The following FAM240A variants were observed in gnomAD, a reference collection of about 807,000 sequenced individuals.
FAM240A encodes protein FAM240A.
A neutral mutation model predicts 7.3 loss-of-function variants in FAM240A; 8 were observed. That is an observed-to-expected ratio of 1.09 (90% CI 0.64 to 1.97). The LOEUF (loss-of-function observed/expected upper bound fraction) is 1.97, where lower values mean the gene tolerates loss of function less well. Among genes scored for constraint, FAM240A ranks in the 30% most tolerant of loss-of-function variants. FAM240A has a pLI of 0.00. For synonymous variants in FAM240A, 32 were observed against 35.9 expected (o/e 0.89, Z 0.38); for missense variants, 90 against 102.2 (o/e 0.88, Z 0.52).
Position 46,612,633 on chromosome 3 carries a change from G to C in FAM240A, c.-51G>C, listed in dbSNP as rs1575383516. On this transcript the variant is annotated 5_prime_UTR_variant, in exon 1 of 3. Coordinates refer to ENST00000640551, the MANE Select transcript of FAM240A (RefSeq NM_001195442.2). ...GGGCAGCACAGATGCCTCACAGGCG[G>C]TCAAGTGCGACACATTTGGTTCGAC... 6.0e-6 allele frequency: 9 copies of C among 1,506,986 alleles called. No individual in the cohort carries two copies. The highest frequency in any genetic ancestry group is 1.4e-5 in the African/African-American group (1 of 72,800). 93.4% of individuals were successfully genotyped at this position (1,506,986 alleles called of 1,614,324 possible).
intron 1 of FAM240A, among the ~76,000 whole-genome samples, chr3:46,614,753 T>C (rs1697608859): frequency 6.6e-6 from 1 of 152,202 alleles, no homozygotes; most frequent in East Asian, 1.9e-4. Flanking sequence ...ATCCAAGCTT[T>C]CCTAAATGGT....
chr3:46,625,284 C>A lies in FAM240A; in HGVS notation c.*66C>A. 1.6e-6 allele frequency: 2 copies of A among 1,231,474 alleles called. No homozygotes were observed. Among genetic ancestry groups the A allele is most frequent in the Non-Finnish European group, 2.3e-6 (2 of 878,162 alleles). The allele number at this position is 1,231,474 out of a possible 1,614,324, so 76.3% of individuals were successfully genotyped here. On this transcript the variant is annotated 3_prime_UTR_variant, in exon 3 of 3. Transcript: ENST00000640551. ...GAGGTCACTTTGCTAGAAGTCAGTG[C>A]AAATTCCTGAGTCCCTTTGCTATAC...
chr3:46,616,705 A>AC (rs1385990438), intron 1 of FAM240A, among the ~76,000 whole-genome samples: 1 of 149,558 alleles, frequency 6.7e-6, no homozygotes, highest in East Asian at 2.0e-4. Context: ...ACACACACAC[A>AC]CACACACACA....
intron 2 of FAM240A, among the ~76,000 whole-genome samples, chr3:46,622,297 G>C (rs1207339743): frequency 6.6e-6 from 1 of 151,416 alleles, no homozygotes; most frequent in Non-Finnish European, 1.5e-5. Context: ...TAGTAGAGAC[G>C]GGGTTTCACC....
In FAM240A at chr3:46,625,418, C is replaced by A; in HGVS notation, c.*200C>A. On this transcript the variant is annotated 3_prime_UTR_variant, in exon 3 of 3. Transcript: ENST00000640551. Reference sequence around the variant, plus strand: ...GCCAAGTCAGTCCTCTGTGCATGGGCGCCAGGTTATTATCCCAAATGTCTC... The same window carrying A: ...GCCAAGTCAGTCCTCTGTGCATGGGAGCCAGGTTATTATCCCAAATGTCTC... The A allele has an allele frequency of 2.8e-6, 1 of 359,426 alleles. No individual in the cohort carries two copies. The allele number at this position is 359,426 out of a possible 1,614,324, so 22.3% of individuals were successfully genotyped here. A position where few individuals can be genotyped will look rare whatever the true frequency, so the allele number is the denominator to read the frequency against.
At chr3:46,617,915 CCGTGGGCAAA>C (rs1340892099) in intron 2 of FAM240A, among the ~76,000 whole-genome samples, 1 of 152,180 alleles carries the variant, frequency 6.6e-6, no homozygotes, top group African/African-American at 2.4e-5. Context: ...ACAGTGACTC[CCGTGGGCAAA>C]CGAGGGTCAC....
chr3:46,619,971 C>A (rs1397813311), intron 2 of FAM240A, among the ~76,000 whole-genome samples: 1 of 152,148 alleles, frequency 6.6e-6, no homozygotes, highest in Non-Finnish European at 1.5e-5. Context: ...GAAAAGCATG[C>A]TTGACTGGAT....
rs141290231 is a variant in FAM240A at position 46,617,453 on chromosome 3, C to T, written c.161+125C>T. ...GTACTAAGAGTTCCCTGAGCCCCCA[C>T]GCAATTGCCCCACTGTCAACATCTG... is the stretch of plus-strand genomic sequence containing the variant. On this transcript the variant is annotated intron_variant, in intron 2 of 2. Coordinates refer to ENST00000640551, the MANE Select transcript of FAM240A (RefSeq NM_001195442.2). The T allele has an allele frequency of 4.4e-4, 324 of 729,400 alleles. 2 individuals are homozygous for T. The African/African-American group carries it at 5.0e-3, about 11-fold the overall frequency. The allele number at this position is 729,400 out of a possible 1,614,324, so 45.2% of individuals were successfully genotyped here.
At chr3:46,621,022 G>GGGGA (rs1697687592) in intron 2 of FAM240A, among the ~76,000 whole-genome samples, 1 of 152,138 alleles carries the variant, frequency 6.6e-6, no homozygotes, top group Non-Finnish European at 1.5e-5. Context: ...AGTGGCTATA[G>GGGGA]GGGAGTTCTT....
intron 2 of FAM240A, among the ~76,000 whole-genome samples, chr3:46,623,369 T>C (rs376737283): frequency 2.4e-4 from 37 of 152,338 alleles, no homozygotes; most frequent in Middle Eastern, 3.4e-3. Context: ...AGAATGTGTG[T>C]TCTGCCGTTG....
intron 1 of FAM240A, among the ~76,000 whole-genome samples, chr3:46,613,307 A>G (rs1195423827): frequency 6.6e-6 from 1 of 152,096 alleles, no homozygotes; most frequent in Non-Finnish European, 1.5e-5. Context: ...CAGCCTGGCC[A>G]ACATGGCGAA....
intron 2 of FAM240A, among the ~76,000 whole-genome samples, chr3:46,620,490 A>C (rs895293424): frequency 7.8e-6 from 1 of 128,102 alleles, no homozygotes; most frequent in Non-Finnish European, 1.7e-5. Flanking sequence ...CCCGTACTGT[A>C]GTTTTGTCAA....
intron 1 of FAM240A, among the ~76,000 whole-genome samples, chr3:46,614,537 T>C (rs1446812587): frequency 6.6e-6 from 1 of 152,232 alleles, no homozygotes; most frequent in African/African-American, 2.4e-5. Flanking sequence ...GATGTCACTC[T>C]TCAACCCAAA....
chr3:46,623,217 C>A (rs1338922041), intron 2 of FAM240A, among the ~76,000 whole-genome samples: 3 of 152,006 alleles, frequency 2.0e-5, no homozygotes, highest in Non-Finnish European at 4.4e-5. Flanking sequence ...GTTTAGGGGA[C>A]TTTCCAGATA....
At chr3:46,622,680 A>G (rs1697711205) in intron 2 of FAM240A, among the ~76,000 whole-genome samples, 1 of 152,182 alleles carries the variant, frequency 6.6e-6, no homozygotes, top group Non-Finnish European at 1.5e-5. Context: ...TTGAAAATTA[A>G]TAACTCATCT....
chr3:46,621,713 C>T (rs1697696794), intron 2 of FAM240A, among the ~76,000 whole-genome samples: 1 of 151,902 alleles, frequency 6.6e-6, no homozygotes, highest in African/African-American at 2.4e-5. Flanking sequence ...GAGGTCGAGG[C>T]TGCAGTGAGC....
chr3:46,612,984 G>A (rs1416609077), intron 1 of FAM240A, among the ~76,000 whole-genome samples: 4 of 152,170 alleles, frequency 2.6e-5, no homozygotes, highest in Admixed American at 2.0e-4. Context: ...ACGGAAACAC[G>A]TTACCTGTGA....
chr3:46,616,690 TACACACACACACACACACAC>T lies in FAM240A; in HGVS notation c.16-473_16-454del, dbSNP rs3087116. On this transcript the variant is annotated intron_variant, in intron 1 of 2. Transcript: ENST00000640551. ...TTTTTTAGGCTGAGTAGTATTCCATTACACACACACACACACACACACACACACACACACACACATAAAAC... is the reference window on the plus strand; with the variant it reads ...TTTTTTAGGCTGAGTAGTATTCCATTACACACACACACACACACATAAAAC... Among the ~76,000 whole-genome samples the T allele has an allele frequency of 4.2e-5, 6 of 143,634 alleles. No individual in the cohort carries two copies. The East Asian group carries it at 1.0e-3, about 25-fold the overall frequency. The allele number at this position is 143,634 out of a possible 152,430, so 94.2% of individuals were successfully genotyped here.
At chr3:46,622,095 G>A (rs201533945) in intron 2 of FAM240A, among the ~76,000 whole-genome samples, 3 of 145,988 alleles carry the variant, frequency 2.1e-5, no homozygotes, top group Non-Finnish European at 4.5e-5. Flanking sequence ...TCTAATTTAC[G>A]AGAAAATTTT....
Sources: gnomAD v4.1 joint callset for allele counts (sites outside exome capture counted in the v4.1 genomes callset) on GRCh38, gnomAD v4.1.1 for gene constraint, MANE v1.5 for transcripts, NCBI Gene and HGNC (gene_info 2026-07-23, HGNC 2026-07-21) for gene names.